ADAMTS20: variants seen among roughly 807,000 people sequenced by gnomAD.
ADAMTS20 encodes the protein A disintegrin and metalloproteinase with thrombospondin motifs 20.
ADAMTS20 carries 225 observed loss-of-function variants against 260.1 expected under a neutral mutation model. The ratio of observed to expected loss-of-function variants is 0.87; its 90% confidence interval spans 0.78 to 0.97. The LOEUF is 0.97. Ranked by LOEUF, ADAMTS20 falls within the 50% of genes least tolerant of loss-of-function variation. The pLI is 0.00. For synonymous variants in ADAMTS20, 802 were observed against 769.5 expected, an observed-to-expected ratio of 1.04 and a Z score of -0.70; for missense variants, 2,400 against 2,337.7, an observed-to-expected ratio of 1.03 and a Z score of -0.55.
chr12:43,391,137 G>T (rs942156057), intron 29 of ADAMTS20, among the ~76,000 whole-genome samples: 1 of 152,148 alleles, frequency 6.6e-6, no homozygotes, highest in East Asian at 1.9e-4. Context: ...TCTGTAGAAG[G>T]GTGCCTTCTC....
intron 7 of ADAMTS20, among the ~76,000 whole-genome samples, chr12:43,475,664 G>T (rs961201755): frequency 1.3e-5 from 2 of 150,796 alleles, no homozygotes; most frequent in Admixed American, 6.6e-5. Context: ...CAATGGAACA[G>T]AACAGAGCCC....
chr12:43,515,069 C>T (rs993926092), intron 3 of ADAMTS20, among the ~76,000 whole-genome samples: 43 of 152,270 alleles, frequency 2.8e-4, no homozygotes, highest in Admixed American at 2.6e-3. Context: ...CAACAAATAA[C>T]TCCCTTTTGT....
chr12:43,460,988 A>ATATATATATATTT, intron 11 of ADAMTS20, among the ~76,000 whole-genome samples: 5 of 26,394 alleles, frequency 1.9e-4, no homozygotes, highest in Admixed American at 8.3e-4. Context: ...ATATATATAT[A>ATATATATATATTT]TTTTTTTTTT....
chr12:43,495,720 A>C (rs922334143), intron 4 of ADAMTS20, among the ~76,000 whole-genome samples: 1 of 152,156 alleles, frequency 6.6e-6, no homozygotes, highest in Non-Finnish European at 1.5e-5. Context: ...CCCTTAACTC[A>C]CAGTCCTCTG....
chr12:43,421,729 A>G (rs1455676186), intron 28 of ADAMTS20, among the ~76,000 whole-genome samples: 1 of 152,074 alleles, frequency 6.6e-6, no homozygotes, highest in African/African-American at 2.4e-5. Context: ...AAAATTTCAC[A>G]GTATTTAAAA....
At chr12:43,416,848 T>C (rs1941142502) in intron 28 of ADAMTS20, among the ~76,000 whole-genome samples, 1 of 152,164 alleles carries the variant, frequency 6.6e-6, no homozygotes, top group Non-Finnish European at 1.5e-5. Context: ...TTCTGGTCTC[T>C]ATGGTTTTGC....
chr12:43,447,751 C>T (rs1316059485), intron 14 of ADAMTS20, among the ~76,000 whole-genome samples: 2 of 152,138 alleles, frequency 1.3e-5, no homozygotes, highest in African/African-American at 2.4e-5. Context: ...TCCATAGTCT[C>T]GGCCCAAAAG....
chr12:43,471,278 C>G (rs978381343), intron 7 of ADAMTS20, among the ~76,000 whole-genome samples: 1 of 152,050 alleles, frequency 6.6e-6, no homozygotes, highest in Non-Finnish European at 1.5e-5. Context: ...CTTTTCAGAC[C>G]GGCTTAAAAC....
chr12:43,416,228 C>T (rs1941126722), intron 28 of ADAMTS20, among the ~76,000 whole-genome samples: 1 of 152,044 alleles, frequency 6.6e-6, no homozygotes, highest in Non-Finnish European at 1.5e-5. Context: ...AAATCATCCT[C>T]GGCTTTTGGA....
At chr12:43,496,088 T>C (rs1164707261) in intron 4 of ADAMTS20, among the ~76,000 whole-genome samples, 1 of 152,200 alleles carries the variant, frequency 6.6e-6, no homozygotes, top group Admixed American at 6.5e-5. Flanking sequence ...TTCCTAAAAC[T>C]ACCACCCCAA....
At chr12:43,450,859 G>A (rs1299099088) in intron 14 of ADAMTS20, among the ~76,000 whole-genome samples, 1 of 152,004 alleles carries the variant, frequency 6.6e-6, no homozygotes, top group African/African-American at 2.4e-5. Flanking sequence ...ACCTCACATA[G>A]TTATCATTTT....
intron 2 of ADAMTS20, among the ~76,000 whole-genome samples, chr12:43,547,056 T>G (rs1455257976): frequency 6.6e-6 from 1 of 152,064 alleles, no homozygotes; most frequent in Non-Finnish European, 1.5e-5. Flanking sequence ...CTTCTAAAAG[T>G]GGGGGAAATT....
At chr12:43,427,644 T>C (rs550669400) in intron 26 of ADAMTS20, among the ~76,000 whole-genome samples, 175 bp from the exon 27 acceptor site, 2 of 152,344 alleles carry the variant, frequency 1.3e-5, no homozygotes, top group South Asian at 2.1e-4. Flanking sequence ...TGAGTTATAC[T>C]GGGAGCTTCA....
intron 7 of ADAMTS20, among the ~76,000 whole-genome samples, chr12:43,488,079 T>A (rs1311514636): frequency 1.3e-5 from 2 of 151,918 alleles, no homozygotes; most frequent in Non-Finnish European, 2.9e-5. Flanking sequence ...AGAAGAAGAG[T>A]TTTTTTGTTT....
intron 3 of ADAMTS20, among the ~76,000 whole-genome samples, chr12:43,518,091 T>C (rs1313032908): frequency 6.6e-6 from 1 of 152,084 alleles, no homozygotes. Context: ...CTTAATGCTA[T>C]ATCCCAAAGT....
intron 3 of ADAMTS20, among the ~76,000 whole-genome samples, chr12:43,507,383 A>T (rs1032575669): frequency 6.6e-6 from 1 of 152,148 alleles, no homozygotes; most frequent in Non-Finnish European, 1.5e-5. Flanking sequence ...TATGATTTGC[A>T]ATGTGGGACT....
chr12:43,513,160 C>G (rs903731403), intron 3 of ADAMTS20, among the ~76,000 whole-genome samples: 1 of 152,042 alleles, frequency 6.6e-6, no homozygotes. Context: ...CACTAGAAAC[C>G]CCCAAATTAC....
intron 29 of ADAMTS20, among the ~76,000 whole-genome samples, chr12:43,391,675 A>G (rs1940599656): frequency 6.6e-6 from 1 of 152,184 alleles, no homozygotes; most frequent in African/African-American, 2.4e-5. Context: ...CTGTAATATT[A>G]TAAGGGGGAA....
Position 43,551,863 on chromosome 12 carries a change from C to G in ADAMTS20, c.59G>C (p.Arg20Thr), listed in dbSNP as rs1172382872. Residue 20 changes from arginine (R) to threonine (T), a missense_variant, in exon 1 of 39, where the codon AGG becomes ACG. By Grantham distance (71) the Arg-to-Thr change is moderately conservative. Coordinates refer to ENST00000389420, the MANE Select transcript of ADAMTS20 (RefSeq NM_025003.5). This position sits in a 1 kb window ranked among gnomAD's most constrained non-coding sequence, Gnocchi z 4.6. ...GGGGTGGAAGTCAACTTCCCAAGACCTGGTGATGAAGAGCGAGAGATGGTA... is the reference window on the plus strand; with the variant it reads ...GGGGTGGAAGTCAACTTCCCAAGACGTGGTGATGAAGAGCGAGAGATGGTA... ...LLYHLSLFIT[R>T]SWEVDFHPRQ... The G allele has an allele frequency of 6.2e-7, 1 of 1,613,632 alleles. No individual in the cohort carries two copies. Among genetic ancestry groups the G allele is most frequent in the East Asian group, 2.2e-5 (1 of 44,864 alleles).
Sources: gnomAD v4.1 joint callset for allele counts (sites outside exome capture counted in the v4.1 genomes callset) on GRCh38, gnomAD v4.1.1 for gene constraint, Gnocchi (gnomAD v3.1) non-coding constraint, MANE v1.5 for transcripts, NCBI Gene and HGNC (gene_info 2026-07-23, HGNC 2026-07-21) for gene names.